Variants in CAMTA1 observed in about 807,000 individuals in gnomAD.
CAMTA1 encodes calmodulin-binding transcription activator 1.
Under a neutral mutation model 170.9 loss-of-function variants are expected in CAMTA1, and 27 were observed. The observed-to-expected ratio is 0.16, with a 90% CI of 0.12 to 0.22. The LOEUF (loss-of-function observed/expected upper bound fraction) is 0.22. Among genes scored for constraint, CAMTA1 ranks in the 10% least tolerant of loss-of-function variants. The probability of loss-of-function intolerance (pLI) is 1.00; values close to 1 mark genes in which losing one functional copy is unlikely to be tolerated. For synonymous variants in CAMTA1, 833 were observed against 891.5 expected (o/e 0.93, Z 1.17); for missense variants, 1,619 against 2,217.2 (o/e 0.73, Z 5.42).
intron 3 of CAMTA1, among the ~76,000 whole-genome samples, chr1:6,938,302 C>G (rs1685802372): frequency 6.6e-6 from 1 of 152,134 alleles, no homozygotes; most frequent in Non-Finnish European, 1.5e-5. Flanking sequence ...CCCCTCAGCT[C>G]TGGGGACCAG....
intron 3 of CAMTA1, among the ~76,000 whole-genome samples, chr1:6,989,024 G>A (rs963837302): frequency 2.0e-5 from 3 of 152,338 alleles, no homozygotes; most frequent in African/African-American, 7.2e-5. Flanking sequence ...CACTAGGCCA[G>A]GAGTCACTTT....
At chr1:7,484,807 G>A (rs2093595531) in intron 6 of CAMTA1, among the ~76,000 whole-genome samples, 1 of 151,940 alleles carries the variant, frequency 6.6e-6, no homozygotes, top group Admixed American at 6.6e-5. Context: ...AAAAAATCGT[G>A]GCTGTTGTCA....
chr1:7,163,887 T>C (rs1647805936), intron 4 of CAMTA1, among the ~76,000 whole-genome samples: 1 of 152,220 alleles, frequency 6.6e-6, no homozygotes, highest in Non-Finnish European at 1.5e-5. Context: ...CTACCCTAAT[T>C]ACTGGTGCAC....
intron 3 of CAMTA1, among the ~76,000 whole-genome samples, chr1:6,959,964 T>C (rs1219984521): frequency 6.6e-6 from 1 of 152,180 alleles, no homozygotes; most frequent in Non-Finnish European, 1.5e-5. Flanking sequence ...CTCTAAACAC[T>C]GCGTGCCTGT....
At chr1:7,643,787 C>T (rs995499755) in intron 7 of CAMTA1, among the ~76,000 whole-genome samples, 24 of 152,228 alleles carry the variant, frequency 1.6e-4, no homozygotes, top group African/African-American at 3.6e-4. Context: ...TGCGTGTGCA[C>T]GGCTCTGACA....
intron 3 of CAMTA1, among the ~76,000 whole-genome samples, chr1:6,902,482 C>T (rs776564636): frequency 3.8e-4 from 58 of 152,282 alleles, no homozygotes; most frequent in Non-Finnish European, 3.1e-4. Context: ...ATGTGACCTT[C>T]TGGAAAAGCC....
intron 6 of CAMTA1, among the ~76,000 whole-genome samples, chr1:7,621,004 G>A (rs374953210): frequency 1.3e-5 from 2 of 152,328 alleles, no homozygotes; most frequent in East Asian, 3.9e-4. Context: ...AAGCAGGAGA[G>A]AGAAAGAGAG....
At chr1:6,817,378 G>A (rs111593252) in intron 1 of CAMTA1, among the ~76,000 whole-genome samples, 2 of 152,252 alleles carry the variant, frequency 1.3e-5, no homozygotes, top group Middle Eastern at 6.8e-3. Flanking sequence ...TTAAAATGAG[G>A]TATTACATTC....
chr1:7,561,532 C>T lies in CAMTA1; in HGVS notation c.511-78868C>T, dbSNP rs1456699198. ...CCCAAGCAGAGGTGAGAGAAAGCCTCTTGCCTGTAAACTCGTTGCAGGCGC... is the reference window on the plus strand; with the variant it reads ...CCCAAGCAGAGGTGAGAGAAAGCCTTTTGCCTGTAAACTCGTTGCAGGCGC... On this transcript the variant is annotated intron_variant, in intron 6 of 22. Coordinates refer to ENST00000303635, the MANE Select transcript of CAMTA1 (RefSeq NM_015215.4). This position sits in a 1 kb window ranked among gnomAD's most constrained non-coding sequence, Gnocchi z 5.3. 1.3e-5 allele frequency among the ~76,000 whole-genome samples: 2 copies of T among 151,860 alleles called. No homozygotes were observed. Among genetic ancestry groups the T allele is most frequent in the Admixed American group, 6.6e-5 (1 of 15,260 alleles).
At chr1:7,356,770 G>A (rs960448138) in intron 5 of CAMTA1, among the ~76,000 whole-genome samples, 6 of 152,184 alleles carry the variant, frequency 3.9e-5, no homozygotes, top group African/African-American at 1.4e-4. Context: ...TTAGACACAA[G>A]TTTAAATCCT....
chr1:7,688,503 C>G (rs965350968), intron 11 of CAMTA1, among the ~76,000 whole-genome samples: 3 of 152,086 alleles, frequency 2.0e-5, no homozygotes, highest in African/African-American at 7.2e-5. Flanking sequence ...CCCTGGAAAC[C>G]AAGGGAGGTG....
At chr1:7,206,522 G>A (rs1657761007) in intron 4 of CAMTA1, among the ~76,000 whole-genome samples, 1 of 152,114 alleles carries the variant, frequency 6.6e-6, no homozygotes, top group South Asian at 2.1e-4. Context: ...GAGTTATAAT[G>A]TGCTTTTTTC....
chr1:6,866,939 C>T lies in CAMTA1; in HGVS notation c.234+41729C>T, dbSNP rs192378497. 1.2e-3 allele frequency among the ~76,000 whole-genome samples: 190 copies of T among 152,336 alleles called. 3 individuals carry two copies. The South Asian group carries it at 0.021, about 17-fold the overall frequency. Reference sequence around the variant, plus strand: ...CAAGCAGCTCAGGGATGGCGGCTCCCGTGTGCTTCTCCATGATCTCTCAGC... The same window carrying T: ...CAAGCAGCTCAGGGATGGCGGCTCCTGTGTGCTTCTCCATGATCTCTCAGC... On this transcript the variant is annotated intron_variant, in intron 3 of 22. Transcript: ENST00000303635.
rs1219209301 is a variant in CAMTA1, at chr1:7,325,874, T to C, written c.438+76248T>C. Among the ~76,000 whole-genome samples, 1 of 150,602 alleles carries C rather than the reference T, an allele frequency of 6.6e-6. No homozygotes were observed. Among genetic ancestry groups the C allele is most frequent in the Non-Finnish European group, 1.5e-5 (1 of 67,784 alleles). On this transcript the variant is annotated intron_variant, in intron 5 of 22. Transcript: ENST00000303635. The surrounding 1 kb of genome is among the most constrained non-coding windows in gnomAD (Gnocchi z 5.0). ...TTTTTGTTTGTTTGTTTGTTTGTTT[T>C]ATGAGGCAGAGTCTCGCTCTGTTGC...
At chr1:6,800,171 C>T (rs767813298) in intron 1 of CAMTA1, among the ~76,000 whole-genome samples, 17 of 151,948 alleles carry the variant, frequency 1.1e-4, no homozygotes, top group African/African-American at 1.5e-4. Context: ...TTTGGGAGGC[C>T]GAGACGGGAG....
intron 5 of CAMTA1, among the ~76,000 whole-genome samples, chr1:7,268,723 C>T (rs962677204): frequency 3.3e-5 from 5 of 152,186 alleles, no homozygotes; most frequent in African/African-American, 1.2e-4. Flanking sequence ...ACAACGAAAT[C>T]CACACTCAAC....
intron 5 of CAMTA1, among the ~76,000 whole-genome samples, chr1:7,297,243 A>T (rs1674089376): frequency 6.6e-6 from 1 of 152,200 alleles, no homozygotes; most frequent in South Asian, 2.1e-4. Context: ...GTTGTTTTCT[A>T]TAAAAGGTGT....
chr1:7,568,276 T>TCACCA (rs544599258), intron 6 of CAMTA1, among the ~76,000 whole-genome samples: 7,612 of 132,148 alleles, frequency 0.058, 737 homozygotes, highest in African/African-American at 0.27. Context: ...ATCACCATCA[T>TCACCA]CATCATCATC....
chr1:7,481,208 C>T (rs1470181032), intron 6 of CAMTA1, among the ~76,000 whole-genome samples: 1 of 152,176 alleles, frequency 6.6e-6, no homozygotes, highest in Admixed American at 6.5e-5. Flanking sequence ...CCACTTAAAT[C>T]CCAAATCAGA....
Sources: gnomAD v4.1 joint callset for allele counts (sites outside exome capture counted in the v4.1 genomes callset) on GRCh38, gnomAD v4.1.1 for gene constraint, Gnocchi (gnomAD v3.1) non-coding constraint, MANE v1.5 for transcripts, NCBI Gene and HGNC (gene_info 2026-07-23, HGNC 2026-07-21) for gene names.